The following CSMD1 variants were observed in gnomAD, a reference collection of about 807,000 sequenced individuals.
CSMD1 encodes CUB and Sushi multiple domains 1, also known as CUB and sushi domain-containing protein 1.
CSMD1 carries 213 observed loss-of-function variants against 417.5 expected under a neutral mutation model. That is an observed-to-expected ratio of 0.51 (90% CI 0.46 to 0.57). CSMD1 has a LOEUF of 0.57. Ranked by LOEUF, CSMD1 falls within the 20% of genes least tolerant of loss-of-function variation. The pLI, the probability that CSMD1 is intolerant of heterozygous loss-of-function variation, is 0.00. For synonymous variants in CSMD1, 2,862 were observed against 1,736.8 expected (o/e 1.65, Z -16.11); for missense variants, 6,923 against 4,529.7 (o/e 1.53, Z -15.17).
Position 3,490,724 on chromosome 8 carries a change from G to A in CSMD1, c.1448+2899C>T, listed in dbSNP as rs531460406. ...CAGAAACTCTATCTTTGACTTGCAG[G>A]CCCCTTTCTATCCACTGTAGTGCTG... On this transcript the variant is annotated intron_variant, in intron 11 of 69. Coordinates refer to ENST00000635120, the MANE Select transcript of CSMD1 (RefSeq NM_033225.6). Among the ~76,000 whole-genome samples the A allele has an allele frequency of 1.3e-4, 20 of 152,230 alleles. No homozygotes were observed. In the South Asian group the frequency reaches 3.9e-3, roughly 30 times the overall value.
At chr8:3,635,260 G>C (rs1320253305) in intron 7 of CSMD1, among the ~76,000 whole-genome samples, 1 of 151,960 alleles carries the variant, frequency 6.6e-6, no homozygotes, top group Non-Finnish European at 1.5e-5. Flanking sequence ...TGGATCATGA[G>C]GTCAGGTGTT....
chr8:3,103,933 G>T (rs1441168611), intron 46 of CSMD1, among the ~76,000 whole-genome samples: 1 of 151,722 alleles, frequency 6.6e-6, no homozygotes, highest in Non-Finnish European at 1.5e-5. Flanking sequence ...AGTAGACACG[G>T]GGTTTCTTCA....
intron 1 of CSMD1, among the ~76,000 whole-genome samples, chr8:4,818,855 A>G (rs1038469795): frequency 6.6e-6 from 1 of 152,206 alleles, no homozygotes; most frequent in Non-Finnish European, 1.5e-5. Flanking sequence ...CCCACTTCAC[A>G]GATAAGAAAA....
At chr8:3,379,896 A>G (rs1318154727) in intron 18 of CSMD1, among the ~76,000 whole-genome samples, 1 of 152,154 alleles carries the variant, frequency 6.6e-6, no homozygotes, top group Non-Finnish European at 1.5e-5. Context: ...AAAATAGACA[A>G]ATGGGATATA....
intron 9 of CSMD1, 30 bp from the exon 10 acceptor site, chr8:3,575,096 C>G: frequency 6.2e-7 from 1 of 1,604,116 alleles, no homozygotes; most frequent in South Asian, 1.1e-5. Context: ...ACGTTATTTT[C>G]TACAACATTG....
intron 1 of CSMD1, among the ~76,000 whole-genome samples, chr8:4,727,639 C>T (rs1305815361): frequency 6.6e-6 from 1 of 152,012 alleles, no homozygotes; most frequent in Non-Finnish European, 1.5e-5. Flanking sequence ...GATCTGGTTC[C>T]CACTTGAAAT....
chr8:3,764,834 C>T (rs1421562308), intron 5 of CSMD1, among the ~76,000 whole-genome samples: 2 of 150,118 alleles, frequency 1.3e-5, no homozygotes, highest in African/African-American at 2.5e-5. Flanking sequence ...GAAACCTCTG[C>T]TGCCTGGGTT....
chr8:3,593,239 G>C (rs1284763989), intron 8 of CSMD1, among the ~76,000 whole-genome samples: 6 of 152,372 alleles, frequency 3.9e-5, no homozygotes, highest in East Asian at 1.9e-4. Flanking sequence ...GACAGAACAA[G>C]ACAGAACCCC....
intron 3 of CSMD1, among the ~76,000 whole-genome samples, chr8:4,035,021 T>C (rs1207454788): frequency 2.6e-5 from 4 of 152,308 alleles, no homozygotes; most frequent in African/African-American, 7.2e-5. Context: ...AATTATTTTT[T>C]TCAATTAACT....
At chr8:4,500,315 T>A (rs527609106) in intron 2 of CSMD1, among the ~76,000 whole-genome samples, 3 of 152,294 alleles carry the variant, frequency 2.0e-5, no homozygotes, top group African/African-American at 7.2e-5. Flanking sequence ...TTACCAGGGA[T>A]ATTCTGTAAC....
chr8:4,589,024 G>C (rs998135238), intron 2 of CSMD1, among the ~76,000 whole-genome samples: 1 of 151,868 alleles, frequency 6.6e-6, no homozygotes. Context: ...ATTATACAAC[G>C]TGTACTACAT....
At chr8:3,997,870 G>C (rs763353825) in intron 5 of CSMD1, 33 bp downstream of exon 5, 6 of 1,579,436 alleles carry the variant, frequency 3.8e-6, no homozygotes, top group Non-Finnish European at 5.2e-6. Context: ...AAACACACCT[G>C]TATCCTTTGT....
chr8:4,756,218 T>C (rs149402118), intron 1 of CSMD1, among the ~76,000 whole-genome samples: 1 of 152,302 alleles, frequency 6.6e-6, no homozygotes, highest in East Asian at 1.9e-4. Flanking sequence ...TAGCATAATA[T>C]AGGGCATCAT....
intron 5 of CSMD1, among the ~76,000 whole-genome samples, chr8:3,899,188 G>A (rs1245737582): frequency 6.6e-6 from 1 of 152,294 alleles, no homozygotes; most frequent in East Asian, 1.9e-4. Context: ...CCTAGGACAG[G>A]AGGCCAATCA....
chr8:4,923,076 CT>C (rs1806603996), intron 1 of CSMD1, among the ~76,000 whole-genome samples: 1 of 152,104 alleles, frequency 6.6e-6, no homozygotes, highest in African/African-American at 2.4e-5. Flanking sequence ...GGGGAACAAT[CT>C]TAAAAAATGA....
chr8:3,794,011 A>ACGCGTAGACAGACGAAAGACTTGCTACT (rs1799898266), intron 5 of CSMD1, among the ~76,000 whole-genome samples: 1 of 152,054 alleles, frequency 6.6e-6, no homozygotes, highest in Non-Finnish European at 1.5e-5. Context: ...TGCTTATCCC[A>ACGCGTAGACAGACGAAAGACTTGCTACT]CGCGTAGACA....
At chr8:4,002,603 T>G (rs1249195468) in intron 4 of CSMD1, among the ~76,000 whole-genome samples, 1 of 152,192 alleles carries the variant, frequency 6.6e-6, no homozygotes, top group Non-Finnish European at 1.5e-5. Context: ...TATCTTCCAG[T>G]TTAGCTGCTA....
intron 26 of CSMD1, among the ~76,000 whole-genome samples, chr8:3,249,185 G>A (rs1022168463): frequency 3.3e-5 from 5 of 152,124 alleles, no homozygotes; most frequent in Non-Finnish European, 5.9e-5. Context: ...CAAACGATAT[G>A]AAGAATCAAG....
chr8:4,077,830 T>A (rs1799914316), intron 3 of CSMD1, among the ~76,000 whole-genome samples: 1 of 152,154 alleles, frequency 6.6e-6, no homozygotes. Flanking sequence ...TTCAGATACA[T>A]AAACCAAATT....
Sources: allele counts gnomAD v4.1 joint callset (sites outside exome capture counted in the v4.1 genomes callset), GRCh38; gene constraint gnomAD v4.1.1; transcripts MANE v1.5; gene names NCBI Gene and HGNC (gene_info 2026-07-23, HGNC 2026-07-21).